Variants in MTX2 observed in about 807,000 individuals in gnomAD.
MTX2 encodes the protein metaxin-2.
A neutral mutation model predicts 42.3 loss-of-function variants in MTX2; 35 were observed. That is an observed-to-expected ratio of 0.83 (90% CI 0.63 to 1.10). The LOEUF (loss-of-function observed/expected upper bound fraction) is 1.10. Ranked by LOEUF, MTX2 falls within the 50% of genes least tolerant of loss-of-function variation. MTX2 has a pLI of 0.00. For synonymous variants in MTX2, 119 were observed against 100.9 expected (o/e 1.18, Z -1.08); for missense variants, 307 against 304.1 (o/e 1.01, Z -0.07).
rs1215620624 is a variant in MTX2, at chr2:176,296,913, T to C, written c.88+6T>C. ...ATTATATCAGCAATTGAAAGGTAAG[T>C]CTTGTTCACAATTAAAAATGGCTTT... On this transcript the variant is annotated splice_donor_region_variant and intron_variant, in intron 2 of 9. Coordinates refer to ENST00000249442, the MANE Select transcript of MTX2 (RefSeq NM_006554.5). The C allele has an allele frequency of 1.2e-6, 2 of 1,611,932 alleles. No homozygotes were observed. Among genetic ancestry groups the C allele is most frequent in the South Asian group, 2.2e-5 (2 of 90,992 alleles).
In MTX2 at chr2:176,280,354, C is replaced by T. The variant is rs372098205; in HGVS notation, c.40+10685C>T. Among the ~76,000 whole-genome samples, 232 of 152,246 alleles carry T rather than the reference C, an allele frequency of 1.5e-3. 5 individuals carry two copies. The South Asian group carries it at 0.047, about 31-fold the overall frequency. On this transcript the variant is annotated intron_variant, in intron 1 of 9. Transcript: ENST00000249442. ...CAGCTTGGTAACCGATTTAGATAAA[C>T]GGAATTCTGAGGCTTCAGATGAGTC...
At chr2:176,281,805 C>T (rs577618734) in intron 1 of MTX2, among the ~76,000 whole-genome samples, 13 of 152,006 alleles carry the variant, frequency 8.6e-5, no homozygotes, top group East Asian at 1.9e-4. Flanking sequence ...TAGAGTAGTG[C>T]GGGTGGTTTT....
chr2:176,314,524 C>T (rs1050015306), intron 3 of MTX2, among the ~76,000 whole-genome samples: 5 of 151,878 alleles, frequency 3.3e-5, no homozygotes, highest in African/African-American at 9.7e-5. Context: ...CTGATTTCCT[C>T]CAACATTTCT....
chr2:176,280,392 G>A (rs906868779), intron 1 of MTX2, among the ~76,000 whole-genome samples: 2 of 152,166 alleles, frequency 1.3e-5, no homozygotes, highest in Non-Finnish European at 2.9e-5. Flanking sequence ...CATTTTGTGT[G>A]ATTAATAGTA....
rs752405444 is a variant in MTX2 at position 176,325,267 on chromosome 2, G to A, written c.209-1558G>A. ...TCTAAGACGGTAAACAAAGCCCTCA[G>A]TTTTCTTATATGACCTTTGATTCGC... On this transcript the variant is annotated intron_variant, in intron 4 of 9. Coordinates refer to ENST00000249442, the MANE Select transcript of MTX2 (RefSeq NM_006554.5). 6.1e-4 allele frequency among the ~76,000 whole-genome samples: 93 copies of A among 151,642 alleles called. 2 individuals carry two copies. Among genetic ancestry groups the A allele is most frequent in the Non-Finnish European group, 1.6e-4 (11 of 67,734 alleles).
chr2:176,274,510 A>G (rs1356710268), intron 1 of MTX2, among the ~76,000 whole-genome samples: 1 of 152,228 alleles, frequency 6.6e-6, no homozygotes, highest in East Asian at 1.9e-4. Context: ...CAGTTCAACC[A>G]GAGAAGCAGA....
intron 9 of MTX2, among the ~76,000 whole-genome samples, chr2:176,333,318 T>C (rs777719908): frequency 6.6e-6 from 1 of 151,460 alleles, no homozygotes; most frequent in African/African-American, 2.4e-5. Flanking sequence ...AAATTGGAGG[T>C]ATATGAAGAT....
intron 1 of MTX2, among the ~76,000 whole-genome samples, chr2:176,284,788 T>C (rs17396146): frequency 0.036 from 5,441 of 152,296 alleles, 243 homozygotes; most frequent in Admixed American, 0.13. Flanking sequence ...GCTAAATGAA[T>C]GAAAGATAAA....
chr2:176,277,642 T>C lies in MTX2; in HGVS notation c.40+7973T>C, dbSNP rs575006001. 4.4e-3 allele frequency among the ~76,000 whole-genome samples: 667 copies of C among 152,328 alleles called. 2 individuals carry two copies. The highest frequency in any genetic ancestry group is 7.4e-3 in the Non-Finnish European group (504 of 68,036). ...GTCTCGAACTCCCGACCTCAGGTGA[T>C]CTGCCCACCCCGGCCTCCCAAAGTG... On this transcript the variant is annotated intron_variant, in intron 1 of 9. Coordinates refer to ENST00000249442, the MANE Select transcript of MTX2 (RefSeq NM_006554.5).
intron 1 of MTX2, among the ~76,000 whole-genome samples, chr2:176,272,761 G>A (rs9789537): frequency 0.18 from 27,598 of 151,964 alleles, 2,743 homozygotes; most frequent in South Asian, 0.29. Flanking sequence ...CTAGCGATTG[G>A]GATAATAAAG....
At chr2:176,287,442 C>G (rs1259599552) in intron 1 of MTX2, among the ~76,000 whole-genome samples, 1 of 152,128 alleles carries the variant, frequency 6.6e-6, no homozygotes, top group Non-Finnish European at 1.5e-5. Flanking sequence ...AAAGGAAATG[C>G]TCATTGAAGT....
At chr2:176,271,648 GT>G (rs1469141346) in intron 1 of MTX2, among the ~76,000 whole-genome samples, 5 of 152,236 alleles carry the variant, frequency 3.3e-5, no homozygotes, top group African/African-American at 1.2e-4. Flanking sequence ...ATGGGGAAAA[GT>G]TACTCTCAAA....
intron 1 of MTX2, among the ~76,000 whole-genome samples, chr2:176,289,510 A>G (rs1693279466): frequency 6.6e-6 from 1 of 152,122 alleles, no homozygotes; most frequent in Admixed American, 6.5e-5. Context: ...CTAATTGGAT[A>G]TGCACTTAGT....
rs1369891863 is a variant in MTX2 at position 176,273,043 on chromosome 2, C to G, written c.40+3374C>G. Among the ~76,000 whole-genome samples the G allele has an allele frequency of 2.0e-5, 3 of 152,178 alleles. No homozygotes were observed. In the East Asian group the frequency reaches 5.8e-4, roughly 29 times the overall value. On this transcript the variant is annotated intron_variant, in intron 1 of 9. Coordinates refer to ENST00000249442, the MANE Select transcript of MTX2 (RefSeq NM_006554.5). Reference sequence around the variant, plus strand: ...AGCTTCAAGGTGCCGGTATCTGATGCGAGCCTTTGTGCTGCATTATCCTGT... The same window carrying G: ...AGCTTCAAGGTGCCGGTATCTGATGGGAGCCTTTGTGCTGCATTATCCTGT...
At chr2:176,295,024 G>T (rs1376472671) in intron 1 of MTX2, among the ~76,000 whole-genome samples, 1 of 152,126 alleles carries the variant, frequency 6.6e-6, no homozygotes, top group Non-Finnish European at 1.5e-5. Context: ...TAATTAGCCA[G>T]CATGTTTAGG....
intron 3 of MTX2, among the ~76,000 whole-genome samples, chr2:176,305,341 A>G (rs1227485363): frequency 1.3e-5 from 2 of 152,240 alleles, no homozygotes; most frequent in East Asian, 3.9e-4. Flanking sequence ...CATTCATTAT[A>G]GGAGCTCAGA....
intron 3 of MTX2, among the ~76,000 whole-genome samples, chr2:176,310,796 G>A (rs1451700397): frequency 1.3e-5 from 2 of 152,074 alleles, no homozygotes; most frequent in African/African-American, 2.4e-5. Flanking sequence ...TTAGCCATTC[G>A]TCTAACCTTT....
At chr2:176,297,164 A>G (rs2105413689) in intron 2 of MTX2, among the ~76,000 whole-genome samples, 1 of 152,282 alleles carries the variant, frequency 6.6e-6, no homozygotes, top group Middle Eastern at 3.4e-3. Flanking sequence ...TGGTTGCAGG[A>G]GCAGTTGGCA....
At chr2:176,297,036 C>A in intron 2 of MTX2, 129 bp downstream of exon 2, 1 of 1,044,852 alleles carries the variant, frequency 9.6e-7, no homozygotes, top group Non-Finnish European at 1.4e-6. Context: ...TATAATTTGT[C>A]TAGGAGGTTT....
Sources: gnomAD v4.1 joint callset for allele counts (sites outside exome capture counted in the v4.1 genomes callset) on GRCh38, gnomAD v4.1.1 for gene constraint, MANE v1.5 for transcripts, NCBI Gene and HGNC (gene_info 2026-07-23, HGNC 2026-07-21) for gene names.